Variants in CNTN2 observed in about 807,000 individuals in gnomAD.
The protein encoded by CNTN2 is contactin-2.
A neutral mutation model predicts 117.5 loss-of-function variants in CNTN2; 53 were observed. The ratio of observed to expected loss-of-function variants is 0.45; its 90% CI spans 0.36 to 0.57. The LOEUF is 0.57. Ranked by LOEUF, CNTN2 falls within the 20% of genes least tolerant of loss-of-function variation. CNTN2 has a pLI of 0.00. For synonymous variants in CNTN2, 530 were observed against 561.7 expected, an observed-to-expected ratio of 0.94 and a Z score of 0.80; for missense variants, 1,106 against 1,404.3, an observed-to-expected ratio of 0.79 and a Z score of 3.39.
intron 10 of CNTN2, chr1:205,062,801 T>C: frequency 2.9e-6 from 1 of 342,784 alleles, no homozygotes; most frequent in Middle Eastern, 7.5e-4. Context: ...TGGCACACAG[T>C]AAATGTTTGC....
chr1:205,055,298 A>G (rs1200143347), intron 2 of CNTN2, among the ~76,000 whole-genome samples: 1 of 152,082 alleles, frequency 6.6e-6, no homozygotes, highest in African/African-American at 2.4e-5. Context: ...ACAGGCAGAG[A>G]GTGTGTTTTT....
Position 205,059,193 on chromosome 1 carries a change from C to T in CNTN2, c.597C>T (p.Ala199=), listed in dbSNP as rs1653832436. 1 of 1,614,220 alleles carries T rather than the reference C, an allele frequency of 6.2e-7. No homozygotes were observed. The highest frequency in any genetic ancestry group is 8.5e-7 in the Non-Finnish European group (1 of 1,180,026). ...TGNLYIARTN[A]SDLGNYSCLA... ...ACCTGTACATTGCCCGAACCAATGC[C>T]TCAGACCTGGGCAACTACTCCTGTT... Residue 199 remains alanine (A), a synonymous_variant, in exon 6 of 23, where the codon GCC becomes GCT. Transcript: ENST00000331830. This position sits in a 1 kb window ranked among gnomAD's most constrained non-coding sequence, Gnocchi z 5.6.
Position 205,061,210 on chromosome 1 carries a change from C to T in CNTN2, c.798-35C>T, listed in dbSNP as rs766061548. The T allele has an allele frequency of 2.5e-6, 4 of 1,573,386 alleles. No homozygotes were observed. The highest frequency in any genetic ancestry group is 3.5e-5 in the Admixed American group (2 of 57,710). On this transcript the variant is annotated intron_variant, in intron 7 of 22. Coordinates refer to ENST00000331830, the MANE Select transcript of CNTN2 (RefSeq NM_005076.5). The surrounding 1 kb of genome is among the most constrained non-coding windows in gnomAD (Gnocchi z 4.8). ...GGGCACTGGAGGGGTAGGCCCAGCT[C>T]AGCCCACACCCTCTGGCTTTGTCTC...
intron 9 of CNTN2, 36 bp downstream of exon 9, chr1:205,062,037 C>G: frequency 1.1e-5 from 18 of 1,605,060 alleles, no homozygotes; most frequent in Non-Finnish European, 1.4e-5. Context: ...CACATCACAA[C>G]TGTCCTCTGC....
In CNTN2 at chr1:205,059,764, G is replaced by C; in HGVS notation, c.797+82G>C. On this transcript the variant is annotated intron_variant, in intron 7 of 22. Coordinates refer to ENST00000331830, the MANE Select transcript of CNTN2 (RefSeq NM_005076.5). The surrounding 1 kb of genome is among the most constrained non-coding windows in gnomAD (Gnocchi z 5.6). ...CCAGGGTGAGGGCAGGCAGAGTCAGGGCTCTTATCTTGGTGTCCCTCACAG... is the reference window on the plus strand; with the variant it reads ...CCAGGGTGAGGGCAGGCAGAGTCAGCGCTCTTATCTTGGTGTCCCTCACAG... The C allele has an allele frequency of 8.6e-7, 1 of 1,165,464 alleles. No homozygotes were observed. The highest frequency in any genetic ancestry group is 1.3e-6 in the Non-Finnish European group (1 of 777,458). The allele number at this position is 1,165,464 out of a possible 1,614,324, so 72.2% of individuals were successfully genotyped here. A position where few individuals can be genotyped will look rare whatever the true frequency, so the allele number is the denominator to read the frequency against.
chr1:205,064,386 G>C lies in CNTN2; in HGVS notation c.1305G>C (p.Glu435Asp). The C allele has an allele frequency of 6.2e-7, 1 of 1,611,414 alleles. No homozygotes were observed. The highest frequency in any genetic ancestry group is 8.5e-7 in the Non-Finnish European group (1 of 1,177,806). ...RRLIPAARGG[E>D]ILIPCQPRAA... ...TGATCCCCGCGGCCCGCGGGGGAGAGATCCTTATCCCCTGCCAGCCCCGGG... is the reference window on the plus strand; with the variant it reads ...TGATCCCCGCGGCCCGCGGGGGAGACATCCTTATCCCCTGCCAGCCCCGGG... Residue 435 changes from glutamate (E) to aspartate (D), a missense_variant, in exon 11 of 23, where the codon GAG becomes GAC. Transcript: ENST00000331830.
chr1:205,072,147 C>T lies in CNTN2; in HGVS notation c.2731+14C>T. 6.3e-7 allele frequency: 1 copy of T among 1,598,308 alleles called. No individual in the cohort carries two copies. The highest frequency in any genetic ancestry group is 8.5e-7 in the Non-Finnish European group (1 of 1,174,464). ...CCATGAAGCCCCGTGAGTCTGTCTG[C>T]CTGGGGTGGGGGTAGGGCAATATTT... On this transcript the variant is annotated intron_variant, in intron 20 of 22. Transcript: ENST00000331830.
rs1245229945 is a variant in CNTN2, at chr1:205,062,085, ACCACTAGTAGCC to A, written c.1110+87_1110+98del. The A allele has an allele frequency of 2.6e-6, 4 of 1,515,330 alleles. No homozygotes were observed. The Middle Eastern group carries it at 5.1e-4, about 193-fold the overall frequency. 93.9% of individuals were successfully genotyped at this position (1,515,330 alleles called of 1,614,324 possible). On this transcript the variant is annotated intron_variant, in intron 9 of 22. Transcript: ENST00000331830. ...CTCCCCCGCCCAGAACTTCCCCTGCACCACTAGTAGCCCCTCTGGGCTAATTAGGGTGTCAGA... is the reference window on the plus strand; with the variant it reads ...CTCCCCCGCCCAGAACTTCCCCTGCACCTCTGGGCTAATTAGGGTGTCAGA...
Position 205,061,989 on chromosome 1 carries a change from T to G in CNTN2, c.1098T>G (p.Pro366=). The change falls in exon 9 of 23, where the codon CCT becomes CCG. Residue 366 remains proline, a synonymous_variant. Coordinates refer to ENST00000331830, the MANE Select transcript of CNTN2 (RefSeq NM_005076.5). This position sits in a 1 kb window ranked among gnomAD's most constrained non-coding sequence, Gnocchi z 4.8. ...PTVRWLRNGE[P]LASQNRVEVL... ...TGCGCTGGCTGCGGAACGGGGAGCC[T>G]CTGGCCTCCCAGGTAGGAGACATGG... is the stretch of plus-strand genomic sequence containing the variant. 1 of 1,613,334 alleles carries G rather than the reference T, an allele frequency of 6.2e-7. No individual in the cohort carries two copies. The highest frequency in any genetic ancestry group is 8.5e-7 in the Non-Finnish European group (1 of 1,179,798).
chr1:205,058,367 C>T lies in CNTN2; in HGVS notation c.391+11C>T, dbSNP rs750562954. The T allele has an allele frequency of 4.0e-5, 61 of 1,525,858 alleles. No individual in the cohort carries two copies. Among genetic ancestry groups the T allele is most frequent in the Middle Eastern group, 1.8e-4 (1 of 5,532 alleles). 94.5% of individuals were successfully genotyped at this position (1,525,858 alleles called of 1,614,324 possible). A position where few individuals can be genotyped will look rare whatever the true frequency, so the allele number is the denominator to read the frequency against. On this transcript the variant is annotated intron_variant, in intron 4 of 22. Transcript: ENST00000331830. This position sits in a 1 kb window ranked among gnomAD's most constrained non-coding sequence, Gnocchi z 4.3. ...TCCTCCGCTTCGGCTGTGAGACCCG[C>T]GGGGGACCAAGACACTTTGGGGGAG...
At chr1:205,045,588 C>T (rs1216401211) in intron 1 of CNTN2, among the ~76,000 whole-genome samples, 1 of 152,132 alleles carries the variant, frequency 6.6e-6, no homozygotes, top group Non-Finnish European at 1.5e-5. Context: ...TTGAGCCAAA[C>T]GTTGGTGAGA....
At chr1:205,044,688 G>A (rs904346458) in intron 1 of CNTN2, among the ~76,000 whole-genome samples, 2 of 152,124 alleles carry the variant, frequency 1.3e-5, no homozygotes, top group African/African-American at 4.8e-5. Flanking sequence ...CTTAGCCTCC[G>A]AGTCTCTCTA....
chr1:205,049,282 ACACACACACACAC>A (rs2096447979), intron 1 of CNTN2, among the ~76,000 whole-genome samples: 4 of 48,872 alleles, frequency 8.2e-5, no homozygotes, highest in East Asian at 2.7e-4. Flanking sequence ...CTCACACCCG[ACACACACACACAC>A]ACACACACAC....
rs1402838747 is a variant in CNTN2, at chr1:205,053,112, C to T, written c.-74C>T. On this transcript the variant is annotated 5_prime_UTR_variant, in exon 2 of 23. Coordinates refer to ENST00000331830, the MANE Select transcript of CNTN2 (RefSeq NM_005076.5). ...TCTGCCTCCCCAGGTCCTTTCTCAG[C>T]CTCCAGCTGGGCTGTCCCCAAGCTG... 5.0e-6 allele frequency: 6 copies of T among 1,203,834 alleles called. 1 individual carries two copies. The highest frequency in any genetic ancestry group is 7.0e-6 in the Non-Finnish European group (6 of 862,186). The allele number at this position is 1,203,834 out of a possible 1,614,324, so 74.6% of individuals were successfully genotyped here. A position where few individuals can be genotyped will look rare whatever the true frequency, so the allele number is the denominator to read the frequency against.
At position 205,048,945 on chromosome 1, in the gene CNTN2, G is replaced by GAA. The variant is rs1169675765; in HGVS notation, c.-86-4155_-86-4154insAA. Among the ~76,000 whole-genome samples the GAA allele has an allele frequency of 6.7e-6, 1 of 149,428 alleles. No homozygotes were observed. Among genetic ancestry groups the GAA allele is most frequent in the African/African-American group, 2.5e-5 (1 of 40,230 alleles). On this transcript the variant is annotated intron_variant, in intron 1 of 22. Transcript: ENST00000331830. This position sits in a 1 kb window ranked among gnomAD's most constrained non-coding sequence, Gnocchi z 4.1. ...TGTGTGTGTGTGTGTGTGTGTGTGT[G>GAA]TGTGTGTGTGTGTGTTCACCCAAGG...
Position 205,073,266 on chromosome 1 carries a change from CGA to C in CNTN2, c.3013+35_3013+36del. 1 of 1,608,450 alleles carries C rather than the reference CGA, an allele frequency of 6.2e-7. No individual in the cohort carries two copies. The highest frequency in any genetic ancestry group is 8.5e-7 in the Non-Finnish European group (1 of 1,176,446). On this transcript the variant is annotated intron_variant, in intron 22 of 22. Coordinates refer to ENST00000331830, the MANE Select transcript of CNTN2 (RefSeq NM_005076.5). The surrounding 1 kb of genome is among the most constrained non-coding windows in gnomAD (Gnocchi z 6.3). ...TGCTCCTCCCCTACCCTTATCCCCT[CGA>C]GAGATTCAGGATCCACCCAGATACC...
chr1:205,058,155 T>C lies in CNTN2; in HGVS notation c.216-26T>C, dbSNP rs1172191224. Reference sequence around the variant, plus strand: ...CCTGCCACCAGGCAGGACTCAGAGGTCCCCTTCCTCTGTCCCCTGCTGCAG... The same window carrying C: ...CCTGCCACCAGGCAGGACTCAGAGGCCCCCTTCCTCTGTCCCCTGCTGCAG... On this transcript the variant is annotated intron_variant, in intron 3 of 22. Transcript: ENST00000331830. The surrounding 1 kb of genome is among the most constrained non-coding windows in gnomAD (Gnocchi z 4.3). 1 of 1,590,686 alleles carries C rather than the reference T, an allele frequency of 6.3e-7. No individual in the cohort carries two copies.
rs200242849 is a variant in CNTN2 at position 205,065,832 on chromosome 1, G to T, written c.1739G>T (p.Arg580Leu). 1 of 1,614,008 alleles carries T rather than the reference G, an allele frequency of 6.2e-7. No individual in the cohort carries two copies. The highest frequency in any genetic ancestry group is 1.7e-5 in the Admixed American group (1 of 60,020). The part of the protein sequence containing the change: ...GDLTILNAQL[R>L]HGGKYTCMAQ... ...CTGACCATCCTGAACGCCCAGCTGC[G>T]CCATGGGGGGAAGTACACGTGCATG... Residue 580 changes from arginine to leucine, a missense_variant, in exon 14 of 23, where the codon CGC (arginine) becomes CTC (leucine). Physicochemically the swap from Arg to Leu is moderately radical, Grantham distance 102. Transcript: ENST00000331830. The surrounding 1 kb of genome is among the most constrained non-coding windows in gnomAD (Gnocchi z 4.1).
chr1:205,058,009 G>C lies in CNTN2; in HGVS notation c.159G>C (p.Thr53=). 1 of 1,614,124 alleles carries C rather than the reference G, an allele frequency of 6.2e-7. No homozygotes were observed. Among genetic ancestry groups the C allele is most frequent in the Non-Finnish European group, 8.5e-7 (1 of 1,180,028 alleles). Residue 53 remains threonine (T), a synonymous_variant, in exon 3 of 23, where the codon ACG becomes ACC. Transcript: ENST00000331830. The surrounding 1 kb of genome is among the most constrained non-coding windows in gnomAD (Gnocchi z 4.3). The part of the protein sequence containing the change: ...PLSVLFPEES[T]EEQVLLACRA... ...GTGTGCTATTCCCAGAGGAGTCCACGGAGGAGCAGGTGTTGCTGGCATGCC... is the reference window on the plus strand; with the variant it reads ...GTGTGCTATTCCCAGAGGAGTCCACCGAGGAGCAGGTGTTGCTGGCATGCC...
Sources: gnomAD v4.1 joint callset for allele counts (sites outside exome capture counted in the v4.1 genomes callset) on GRCh38, gnomAD v4.1.1 for gene constraint, Gnocchi (gnomAD v3.1) non-coding constraint, MANE v1.5 for transcripts, NCBI Gene and HGNC (gene_info 2026-07-23, HGNC 2026-07-21) for gene names.